Variants in COL14A1 observed in about 807,000 individuals in gnomAD.
The protein encoded by COL14A1 is collagen alpha-1(XIV) chain.
COL14A1 carries 136 observed loss-of-function variants against 230.3 expected under a neutral mutation model. That is an observed-to-expected ratio of 0.59 (90% CI 0.51 to 0.68). The LOEUF (loss-of-function observed/expected upper bound fraction) is 0.68. Among genes scored for constraint, COL14A1 ranks in the 30% least tolerant of loss-of-function variants. The pLI is 0.00. For missense variants in COL14A1, 1,976 were observed against 2,215.8 expected (o/e 0.89, Z 2.17); for synonymous variants, 792 against 784.1 (o/e 1.01, Z -0.17).
At chr8:120,343,572 T>C (rs1268732151) in intron 44 of COL14A1, among the ~76,000 whole-genome samples, 3 of 152,172 alleles carry the variant, frequency 2.0e-5, no homozygotes, top group African/African-American at 7.2e-5. Context: ...GGCAAAAACA[T>C]CAGGGCAAGA....
At chr8:120,347,683 A>G (rs544690343) in intron 45 of COL14A1, among the ~76,000 whole-genome samples, 84 of 152,366 alleles carry the variant, frequency 5.5e-4, no homozygotes, top group Non-Finnish European at 9.1e-4. Flanking sequence ...CTCATTTTCT[A>G]TAAAAGGAAG....
At chr8:120,355,668 G>A (rs985100216) in intron 45 of COL14A1, among the ~76,000 whole-genome samples, 6 of 151,682 alleles carry the variant, frequency 4.0e-5, no homozygotes, top group Non-Finnish European at 5.9e-5. Context: ...CCCCCACCCC[G>A]CCTCGGCCTC....
At chr8:120,346,115 C>T (rs72678243) in intron 45 of COL14A1, among the ~76,000 whole-genome samples, 22,715 of 152,242 alleles carry the variant, frequency 0.15, 2,216 homozygotes, top group East Asian at 0.32. Context: ...ATACTGTCTG[C>T]GGCTCATCTT....
At position 120,199,567 on chromosome 8, in the gene COL14A1, G is replaced by A; in HGVS notation, c.877+1G>A. The A allele has an allele frequency of 6.2e-7, 1 of 1,609,986 alleles. No homozygotes were observed. Among genetic ancestry groups the A allele is most frequent in the African/African-American group, 1.3e-5 (1 of 74,750 alleles). On this transcript the variant is annotated splice_donor_variant, in intron 8 of 47. Transcript: ENST00000297848. LOFTEE classifies it high-confidence loss of function. ...TCTGGTGTAGAACTGTTTGCCATAGGTATGTGCTCTTTATAGTCTTGTTTC... is the reference window on the plus strand; with the variant it reads ...TCTGGTGTAGAACTGTTTGCCATAGATATGTGCTCTTTATAGTCTTGTTTC...
intron 5 of COL14A1, among the ~76,000 whole-genome samples, chr8:120,173,390 T>C (rs1476934340): frequency 1.3e-5 from 2 of 152,208 alleles, no homozygotes; most frequent in Non-Finnish European, 2.9e-5. Context: ...GTATTTTTTC[T>C]ACCTGGCCCT....
intron 19 of COL14A1, among the ~76,000 whole-genome samples, chr8:120,242,429 T>C (rs1224629528): frequency 6.6e-6 from 1 of 152,194 alleles, no homozygotes; most frequent in Non-Finnish European, 1.5e-5. Context: ...GGCTTCTCAG[T>C]TTGAAAGAAG....
At chr8:120,199,869 G>A (rs1311119563) in intron 8 of COL14A1, among the ~76,000 whole-genome samples, 1 of 152,000 alleles carries the variant, frequency 6.6e-6, no homozygotes, top group Non-Finnish European at 1.5e-5. Flanking sequence ...TGTTTAGTAA[G>A]TCAAGACTTT....
intron 23 of COL14A1, 135 bp downstream of exon 23, chr8:120,255,491 T>C: frequency 1.4e-6 from 1 of 712,918 alleles, no homozygotes; most frequent in Non-Finnish European, 2.5e-6. Flanking sequence ...TGGTCAGTCA[T>C]GCTGCATATG....
rs554858695 is a variant in COL14A1 at position 120,162,116 on chromosome 8, A to G, written c.206-310A>G. On this transcript the variant is annotated intron_variant, in intron 3 of 47. Coordinates refer to ENST00000297848, the MANE Select transcript of COL14A1 (RefSeq NM_021110.4). ...TATTTTTGTGAATTTGGTTTTCTCTAATTTCGACAATTGTTAGTTATCTAA... is the reference window on the plus strand; with the variant it reads ...TATTTTTGTGAATTTGGTTTTCTCTGATTTCGACAATTGTTAGTTATCTAA... Among the ~76,000 whole-genome samples the G allele has an allele frequency of 2.0e-5, 3 of 152,330 alleles. No homozygotes were observed. The South Asian group carries it at 6.2e-4, about 32-fold the overall frequency.
chr8:120,319,479 C>A (rs548290876), intron 40 of COL14A1, among the ~76,000 whole-genome samples: 16 of 152,224 alleles, frequency 1.1e-4, no homozygotes, highest in African/African-American at 3.9e-4. Context: ...CTGGCCAAAT[C>A]TTTGTCTTCT....
intron 34 of COL14A1, among the ~76,000 whole-genome samples, chr8:120,291,980 GA>G (rs1389845671): frequency 1.3e-5 from 2 of 152,110 alleles, no homozygotes; most frequent in Admixed American, 6.5e-5. Context: ...ACATTTGATA[GA>G]AATTAAATAG....
chr8:120,232,305 C>T (rs1312657331), intron 19 of COL14A1, among the ~76,000 whole-genome samples: 1 of 151,912 alleles, frequency 6.6e-6, no homozygotes, highest in African/African-American at 2.4e-5. Flanking sequence ...TTCTGGGATA[C>T]ATGTGCAGAA....
chr8:120,265,281 A>G (rs1554616323), intron 24 of COL14A1, among the ~76,000 whole-genome samples: 1 of 152,046 alleles, frequency 6.6e-6, no homozygotes, highest in Non-Finnish European at 1.5e-5. Flanking sequence ...AGATGCCTTG[A>G]TTTTCCATGT....
rs1287276849 is a variant in COL14A1, at chr8:120,280,754, G to A, written c.3685+5G>A. 6.2e-7 allele frequency: 1 copy of A among 1,612,830 alleles called. No homozygotes were observed. The highest frequency in any genetic ancestry group is 8.5e-7 in the Non-Finnish European group (1 of 1,179,540). Reference sequence around the variant, plus strand: ...AGGATGGCATTGATCTTGCAGGTATGCATTATCACAATCTTTTCAAACACA... The same window carrying A: ...AGGATGGCATTGATCTTGCAGGTATACATTATCACAATCTTTTCAAACACA... On this transcript the variant is annotated splice_donor_5th_base_variant and intron_variant, in intron 30 of 47. Coordinates refer to ENST00000297848, the MANE Select transcript of COL14A1 (RefSeq NM_021110.4).
At chr8:120,199,607 A>G in intron 8 of COL14A1, 41 bp downstream of exon 8, 1 of 1,567,262 alleles carries the variant, frequency 6.4e-7, no homozygotes, top group Non-Finnish European at 8.7e-7. Context: ...AAGGGCATAG[A>G]CCCACAACCA....
chr8:120,134,523 A>T (rs1459473484), intron 1 of COL14A1, among the ~76,000 whole-genome samples: 2 of 152,170 alleles, frequency 1.3e-5, no homozygotes, highest in Non-Finnish European at 1.5e-5. Flanking sequence ...AAAAGAAAAT[A>T]TAGGAAAATG....
At chr8:120,202,064 G>A (rs2130730131) in intron 8 of COL14A1, among the ~76,000 whole-genome samples, 1 of 152,264 alleles carries the variant, frequency 6.6e-6, no homozygotes, top group South Asian at 2.1e-4. Context: ...AGCAATTGTA[G>A]AAGTCCTTCA....
chr8:120,195,365 G>A (rs192143727), intron 5 of COL14A1, among the ~76,000 whole-genome samples: 40 of 152,140 alleles, frequency 2.6e-4, no homozygotes, highest in Admixed American at 1.8e-3. Flanking sequence ...AAAGGATACA[G>A]GAAACCCAGC....
intron 1 of COL14A1, among the ~76,000 whole-genome samples, chr8:120,146,081 CTG>C (rs1308020288): frequency 6.6e-6 from 1 of 152,188 alleles, no homozygotes; most frequent in Admixed American, 6.5e-5. Context: ...CTCACTAGCT[CTG>C]TGACTTGGGC....
Sources: allele counts gnomAD v4.1 joint callset (sites outside exome capture counted in the v4.1 genomes callset), GRCh38; gene constraint gnomAD v4.1.1; transcripts MANE v1.5; gene names NCBI Gene and HGNC (gene_info 2026-07-23, HGNC 2026-07-21).